Variants in DNAAF3 observed in about 807,000 individuals in gnomAD.
DNAAF3 encodes dynein axonemal assembly factor 3, also known as UPF0470 protein C19orf51.
In DNAAF3, 40 loss-of-function variants were observed where a neutral mutation model predicts 50.9. The observed-to-expected ratio is 0.79, with a 90% CI of 0.61 to 1.02. DNAAF3 has a LOEUF of 1.02. Ranked by LOEUF, DNAAF3 falls within the 50% of genes least tolerant of loss-of-function variation. The pLI is 0.00. For synonymous variants in DNAAF3, 327 were observed against 322.8 expected, an observed-to-expected ratio of 1.01 and a Z score of -0.14; for missense variants, 763 against 744.7, an observed-to-expected ratio of 1.02 and a Z score of -0.29.
At position 55,161,516 on chromosome 19, in the gene DNAAF3, G is replaced by A. The variant is rs891229166; in HGVS notation, c.664-98C>T. 3 of 1,498,788 alleles carry A rather than the reference G, an allele frequency of 2.0e-6. No individual in the cohort carries two copies. Among genetic ancestry groups the A allele is most frequent in the Non-Finnish European group, 2.7e-6 (3 of 1,125,820 alleles). The allele number at this position is 1,498,788 out of a possible 1,614,324, so 92.8% of individuals were successfully genotyped here. ...CAGACCCAGGAGTCCAGGTCCCCAG[G>A]CCCTCCTCCCTCAGACCCAGGAGTT... On this transcript the variant is annotated intron_variant, in intron 6 of 11. Coordinates refer to ENST00000524407, the MANE Select transcript of DNAAF3 (RefSeq NM_001256715.2). This position sits in a 1 kb window ranked among gnomAD's most constrained non-coding sequence, Gnocchi z 6.4.
At position 55,166,402 on chromosome 19, in the gene DNAAF3, A is replaced by T. The variant is rs1160993152; in HGVS notation, c.12T>A (p.Pro4=). Residue 4 remains proline, a synonymous_variant, in exon 2 of 12, where the codon CCT becomes CCA. Coordinates refer to ENST00000524407, the MANE Select transcript of DNAAF3 (RefSeq NM_001256715.2). This position sits in a 1 kb window ranked among gnomAD's most constrained non-coding sequence, Gnocchi z 4.0. ...AGCCGAAGCCGCTGCCGGAGCCGGC[A>T]GGTGTGGTCATCACCCTGCGGAAAA... The part of the protein sequence containing the change: MTT[P]AGSGSGFGSV... 2 of 1,613,886 alleles carry T rather than the reference A, an allele frequency of 1.2e-6. No homozygotes were observed. The highest frequency in any genetic ancestry group is 1.7e-6 in the Non-Finnish European group (2 of 1,179,910).
At chr19:55,162,364 T>C (rs746777737) in intron 4 of DNAAF3, 74 bp from the exon 5 acceptor site, 24 of 1,234,214 alleles carry the variant, frequency 1.9e-5, no homozygotes, top group Non-Finnish European at 2.3e-5. Context: ...AATATGTTAT[T>C]ATGTCATAGT....
chr19:55,159,415 C>T lies in DNAAF3; in HGVS notation c.1273G>A (p.Gly425Arg). ...LVDVRQEQLQ[G>R]FNTRVRELAQ... ...AGCTCCCTGACCCGGGTGTTGAATC[C>T]CTGCAGCTGCTCCTGCCGCACGTCC... Residue 425 changes from glycine to arginine, a missense_variant, in exon 12 of 12, where the codon GGA becomes AGA. Gly to Arg is a moderately radical substitution (Grantham distance 125, BLOSUM62 -2). Coordinates refer to ENST00000524407, the MANE Select transcript of DNAAF3 (RefSeq NM_001256715.2). The T allele has an allele frequency of 1.2e-6, 2 of 1,614,138 alleles. No individual in the cohort carries two copies. Among genetic ancestry groups the T allele is most frequent in the Non-Finnish European group, 1.7e-6 (2 of 1,180,014 alleles).
chr19:55,161,337 G>T lies in DNAAF3; in HGVS notation c.745C>A (p.His249Asn), dbSNP rs745885682. Residue 249 changes from histidine (H) to asparagine (N), a missense_variant, in exon 7 of 12, where the codon CAT (histidine) becomes AAT (asparagine). By Grantham distance (68) the His-to-Asn change is moderately conservative (BLOSUM62 1). Coordinates refer to ENST00000524407, the MANE Select transcript of DNAAF3 (RefSeq NM_001256715.2). This position sits in a 1 kb window ranked among gnomAD's most constrained non-coding sequence, Gnocchi z 6.4. Reference sequence around the variant, plus strand: ...GACGCCAGGGTCCGGTTGGGCACATGATAGGCGCTGGAGTCCCTGAGTTCA... The same window carrying T: ...GACGCCAGGGTCCGGTTGGGCACATTATAGGCGCTGGAGTCCCTGAGTTCA... ...AFELRDSSAY[H>N]VPNRTLASGR... The T allele has an allele frequency of 6.2e-7, 1 of 1,610,964 alleles. No individual in the cohort carries two copies. Among genetic ancestry groups the T allele is most frequent in the Non-Finnish European group, 8.5e-7 (1 of 1,178,796 alleles).
In DNAAF3 at chr19:55,161,618, C is replaced by T. The variant is rs891980361; in HGVS notation, c.663+25G>A. On this transcript the variant is annotated intron_variant, in intron 6 of 11. Coordinates refer to ENST00000524407, the MANE Select transcript of DNAAF3 (RefSeq NM_001256715.2). The surrounding 1 kb of genome is among the most constrained non-coding windows in gnomAD (Gnocchi z 6.4). Reference sequence around the variant, plus strand: ...CCCTCAGACCCAGGGGTCCAGGCCCCCAGCCCCTCTCCTGGGCCCCTCACC... The same window carrying T: ...CCCTCAGACCCAGGGGTCCAGGCCCTCAGCCCCTCTCCTGGGCCCCTCACC... 19 of 1,526,264 alleles carry T rather than the reference C, an allele frequency of 1.2e-5. No homozygotes were observed. The highest frequency in any genetic ancestry group is 1.6e-5 in the Non-Finnish European group (18 of 1,140,198). The allele number at this position is 1,526,264 out of a possible 1,614,324, so 94.5% of individuals were successfully genotyped here.
At position 55,160,845 on chromosome 19, in the gene DNAAF3, T is replaced by A; in HGVS notation, c.913-70A>T. The A allele has an allele frequency of 1.9e-6, 3 of 1,556,450 alleles. No individual in the cohort carries two copies. Among genetic ancestry groups the A allele is most frequent in the Non-Finnish European group, 2.6e-6 (3 of 1,160,280 alleles). On this transcript the variant is annotated intron_variant, in intron 8 of 11. Transcript: ENST00000524407. The surrounding 1 kb of genome is among the most constrained non-coding windows in gnomAD (Gnocchi z 4.7). ...GGGGCGGGGCTTAGAACGCTGGGAG[T>A]CCTCGGTCCAGGACTAGAACTCCCG...
upstream of DNAAF3, chr19:55,166,694 G>A (rs1018062235): frequency 3.2e-5 from 50 of 1,579,798 alleles, no homozygotes; most frequent in African/African-American, 4.4e-4. The surrounding 1 kb of genome is among the most constrained non-coding windows in gnomAD (Gnocchi z 4.0). Flanking sequence ...GAGTGAGCGA[G>A]GCCCGCCCTC....
chr19:55,163,747 T>C (rs2085886734), intron 4 of DNAAF3, among the ~76,000 whole-genome samples: 1 of 152,244 alleles, frequency 6.6e-6, no homozygotes, highest in African/African-American at 2.4e-5. Flanking sequence ...ATGTTAGTTG[T>C]TTAAGAACTT....
Position 55,158,834 on chromosome 19 carries a change from A to C in DNAAF3, c.*228T>G. 1.2e-5 allele frequency: 6 copies of C among 481,380 alleles called. No homozygotes were observed. Among genetic ancestry groups the C allele is most frequent in the Non-Finnish European group, 1.1e-5 (3 of 280,044 alleles). 29.8% of individuals were successfully genotyped at this position (481,380 alleles called of 1,614,324 possible). A position where few individuals can be genotyped will look rare whatever the true frequency, so the allele number is the denominator to read the frequency against. On this transcript the variant is annotated 3_prime_UTR_variant, in exon 12 of 12. Coordinates refer to ENST00000524407, the MANE Select transcript of DNAAF3 (RefSeq NM_001256715.2). ...CTGGGCTTAGAGCCTCAGAAGTGGAATTTGGAATTCTGAGAGAACAATCTA... is the reference window on the plus strand; with the variant it reads ...CTGGGCTTAGAGCCTCAGAAGTGGACTTTGGAATTCTGAGAGAACAATCTA...
Position 55,166,506 on chromosome 19 carries a change from T to G in DNAAF3, c.-5+17A>C. 6.2e-7 allele frequency: 1 copy of G among 1,613,970 alleles called. No homozygotes were observed. Among genetic ancestry groups the G allele is most frequent in the Non-Finnish European group, 8.5e-7 (1 of 1,179,930 alleles). On this transcript the variant is annotated intron_variant, in intron 1 of 11. Coordinates refer to ENST00000524407, the MANE Select transcript of DNAAF3 (RefSeq NM_001256715.2). This position sits in a 1 kb window ranked among gnomAD's most constrained non-coding sequence, Gnocchi z 4.0. Reference sequence around the variant, plus strand: ...CACTTCTCGCCCCTTTGCCTCCACATGATACCTTGCCCACACCTTTATCCT... The same window carrying G: ...CACTTCTCGCCCCTTTGCCTCCACAGGATACCTTGCCCACACCTTTATCCT...
chr19:55,162,751 G>T, intron 4 of DNAAF3: 3 of 883,346 alleles, frequency 3.4e-6, no homozygotes, highest in Non-Finnish European at 4.1e-6. Flanking sequence ...ACATATTATA[G>T]GTAATCTAGA....
Position 55,161,757 on chromosome 19 carries a change from C to A in DNAAF3, c.549G>T (p.Ala183=), listed in dbSNP as rs1251471939. 6.6e-7 allele frequency: 1 copy of A among 1,521,422 alleles called. No homozygotes were observed. The highest frequency in any genetic ancestry group is 1.2e-5 in the South Asian group (1 of 81,856). 94.2% of individuals were successfully genotyped at this position (1,521,422 alleles called of 1,614,324 possible). ...FWAGGEKGPQ[A]FPMSRLWDSR... is the part of the protein sequence containing the mutation. The stretch of plus-strand genomic sequence containing the variant: ...AGTCCCAGAGGCGGCTCATGGGGAA[C>A]GCCTGGGGCCCTTTCTCGCCGCCAG... The change falls in exon 6 of 12, where the codon GCG becomes GCT. Residue 183 remains alanine (A), a synonymous_variant. Coordinates refer to ENST00000524407, the MANE Select transcript of DNAAF3 (RefSeq NM_001256715.2). The surrounding 1 kb of genome is among the most constrained non-coding windows in gnomAD (Gnocchi z 6.4).
In DNAAF3 at chr19:55,161,146, G is replaced by C; in HGVS notation, c.831C>G (p.Ile277Met). ...CGAAGGCCACGAAGGGCCCCGTGGC[G>C]ATGTCCCCCCAGTACCCGCGCGCTG... ...RVAARGYWGD[I>M]ATGPFVAFGI... Residue 277 changes from isoleucine to methionine, a missense_variant, in exon 8 of 12, where the codon ATC (isoleucine) becomes ATG (methionine). Ile to Met is a conservative substitution (Grantham distance 10). Coordinates refer to ENST00000524407, the MANE Select transcript of DNAAF3 (RefSeq NM_001256715.2). The surrounding 1 kb of genome is among the most constrained non-coding windows in gnomAD (Gnocchi z 6.4). 6.4e-7 allele frequency: 1 copy of C among 1,554,438 alleles called. No homozygotes were observed. The highest frequency in any genetic ancestry group is 8.7e-7 in the Non-Finnish European group (1 of 1,150,444).
chr19:55,161,798 C>G lies in DNAAF3; in HGVS notation c.508G>C (p.Val170Leu). ...KFRERDALEA[V>L]FRFWAGGEKG... ...TCGCCGCCAGCCCAGAAGCGGAATA[C>G]GGCCTCCAGGGCATCCCGCTCGCGG... Residue 170 changes from valine (V) to leucine (L), a missense_variant, in exon 6 of 12, where the codon GTA becomes CTA. Coordinates refer to ENST00000524407, the MANE Select transcript of DNAAF3 (RefSeq NM_001256715.2). The surrounding 1 kb of genome is among the most constrained non-coding windows in gnomAD (Gnocchi z 6.4). 6.8e-7 allele frequency: 1 copy of G among 1,477,374 alleles called. No individual in the cohort carries two copies. Among genetic ancestry groups the G allele is most frequent in the Non-Finnish European group, 9.0e-7 (1 of 1,115,392 alleles). The allele number at this position is 1,477,374 out of a possible 1,614,324, so 91.5% of individuals were successfully genotyped here. A position where few individuals can be genotyped will look rare whatever the true frequency, so the allele number is the denominator to read the frequency against.
rs964787790 is a variant in DNAAF3, at chr19:55,160,952, A to C, written c.912+113T>G. On this transcript the variant is annotated intron_variant, in intron 8 of 11. Coordinates refer to ENST00000524407, the MANE Select transcript of DNAAF3 (RefSeq NM_001256715.2). This position sits in a 1 kb window ranked among gnomAD's most constrained non-coding sequence, Gnocchi z 4.7. ...TTCTCTGAATGGAGTCGTTCCCACCAAGCGACGGGCGGGGTCTGGAGCTGG... is the reference window on the plus strand; with the variant it reads ...TTCTCTGAATGGAGTCGTTCCCACCCAGCGACGGGCGGGGTCTGGAGCTGG... 167 of 1,452,930 alleles carry C rather than the reference A, an allele frequency of 1.1e-4. 1 individual carries two copies. Among genetic ancestry groups the C allele is most frequent in the Non-Finnish European group, 1.5e-4 (164 of 1,105,704 alleles). The allele number at this position is 1,452,930 out of a possible 1,614,324, so 90.0% of individuals were successfully genotyped here. A position where few individuals can be genotyped will look rare whatever the true frequency, so the allele number is the denominator to read the frequency against.
rs148658260 is a variant in DNAAF3 at position 55,158,808 on chromosome 19, G to C, written c.*254C>G. On this transcript the variant is annotated 3_prime_UTR_variant, in exon 12 of 12. Transcript: ENST00000524407. Reference sequence around the variant, plus strand: ...CCTGAGACTCAGTGTCAGATCCTAGGCTGGGCTTAGAGCCTCAGAAGTGGA... The same window carrying C: ...CCTGAGACTCAGTGTCAGATCCTAGCCTGGGCTTAGAGCCTCAGAAGTGGA... 3.7e-5 allele frequency: 15 copies of C among 409,508 alleles called. No homozygotes were observed. Among genetic ancestry groups the C allele is most frequent in the African/African-American group, 2.2e-4 (11 of 50,634 alleles). The allele number at this position is 409,508 out of a possible 1,614,324, so 25.4% of individuals were successfully genotyped here. A position where few individuals can be genotyped will look rare whatever the true frequency, so the allele number is the denominator to read the frequency against.
intron 4 of DNAAF3, 45 bp from the exon 5 acceptor site, chr19:55,162,335 G>A (rs1292076588): frequency 1.6e-6 from 2 of 1,247,830 alleles, no homozygotes; most frequent in Admixed American, 8.4e-5. Flanking sequence ...GGAGGAGGGA[G>A]CCCAGAAATT....
In DNAAF3 at chr19:55,161,073, G is replaced by T. The variant is rs920224734; in HGVS notation, c.904C>A (p.Pro302Thr). Residue 302 changes from proline to threonine, a missense_variant, in exon 8 of 12, where the codon CCA becomes ACA. Transcript: ENST00000524407. The surrounding 1 kb of genome is among the most constrained non-coding windows in gnomAD (Gnocchi z 6.4). ...CCAGCCTCGCCGCGCACCTTGACTG[G>T]CTGGCCGTTGCTCGTCCGCAGGAGG... ...ESLLRTSNGQ[P>T]VKTAGEITQH... is the part of the protein sequence containing the mutation. 10 of 1,540,770 alleles carry T rather than the reference G, an allele frequency of 6.5e-6. No individual in the cohort carries two copies. The African/African-American group carries it at 1.2e-4, about 19-fold the overall frequency.
chr19:55,162,461 C>A, intron 4 of DNAAF3, 171 bp from the exon 5 acceptor site: 1 of 909,792 alleles, frequency 1.1e-6, no homozygotes, highest in Admixed American at 4.4e-5. Context: ...GTGGCGGGCG[C>A]CTGTAATCCC....
Sources: gnomAD v4.1 joint callset for allele counts (sites outside exome capture counted in the v4.1 genomes callset) on GRCh38, gnomAD v4.1.1 for gene constraint, Gnocchi (gnomAD v3.1) non-coding constraint, MANE v1.5 for transcripts, NCBI Gene and HGNC (gene_info 2026-07-23, HGNC 2026-07-21) for gene names.